The following ORM2 variants were observed in gnomAD, a reference collection of about 807,000 sequenced individuals.
ORM2 encodes alpha-1-acid glycoprotein 2.
Under a neutral mutation model 26.8 loss-of-function variants are expected in ORM2, and 19 were observed. The observed-to-expected ratio is 0.71, with a 90% CI of 0.49 to 1.04. The LOEUF is 1.04. Ranked by LOEUF, ORM2 falls within the 50% of genes least tolerant of loss-of-function variation. The pLI is 0.00. For synonymous variants in ORM2, 94 were observed against 100.0 expected (o/e 0.94, Z 0.36); for missense variants, 259 against 244.9 (o/e 1.06, Z -0.39).
rs1829838433 is a variant in ORM2, at chr9:114,330,799, C to G, written c.265C>G (p.Gln89Glu). 6.2e-7 allele frequency: 1 copy of G among 1,613,874 alleles called. No individual in the cohort carries two copies. The highest frequency in any genetic ancestry group is 1.7e-4 in the Middle Eastern group (1 of 6,060). Residue 89 changes from glutamine to glutamate, a missense_variant, in exon 3 of 6, where the codon CAG (glutamine) becomes GAG (glutamate). Transcript: ENST00000431067. Reference sequence around the variant, plus strand: ...CCTTCTGGTTGACTTTAGCCAGAACCAGTGCTTCTATAACTCCAGTTACCT... The same window carrying G: ...CCTTCTGGTTGACTTTAGCCAGAACGAGTGCTTCTATAACTCCAGTTACCT... Reference protein sequence around the residue: ...FLREYQTRQNQCFYNSSYLNV... With the variant: ...FLREYQTRQNECFYNSSYLNV...
intron 3 of ORM2, among the ~76,000 whole-genome samples, chr9:114,331,290 G>A (rs1446420443): frequency 3.9e-5 from 6 of 152,074 alleles, no homozygotes; most frequent in East Asian, 3.9e-4. Flanking sequence ...TTAGCATCCC[G>A]AGCCTCCTCT....
rs745871164 is a variant in ORM2, at chr9:114,331,598, G to T, written c.360G>T (p.Leu120=). The change falls in exon 4 of 6, where the codon CTG becomes CTT. Residue 120 remains leucine, a synonymous_variant. Coordinates refer to ENST00000431067, the MANE Select transcript of ORM2 (RefSeq NM_000608.4). ...EGGREHVAHL[L]FLRDTKTLMF... The stretch of plus-strand genomic sequence containing the variant: ...GCCGAGAACATGTTGCTCACCTGCT[G>T]TTCCTTAGGGACACCAAGACCTTGA... 6.2e-7 allele frequency: 1 copy of T among 1,614,006 alleles called. No homozygotes were observed. The highest frequency in any genetic ancestry group is 2.2e-5 in the East Asian group (1 of 44,874).
At chr9:114,331,750 C>G in intron 4 of ORM2, 76 bp downstream of exon 4, 1 of 1,581,140 alleles carries the variant, frequency 6.3e-7, no homozygotes, top group Non-Finnish European at 8.7e-7. Flanking sequence ...TGGGCTGGCC[C>G]CTAGAACCCC....
In ORM2 at chr9:114,331,810, C is replaced by A. The variant is rs1285089787; in HGVS notation, c.437-16C>A. 6 of 1,612,094 alleles carry A rather than the reference C, an allele frequency of 3.7e-6. No homozygotes were observed. The South Asian group carries it at 6.6e-5, about 18-fold the overall frequency. ...CCCCACCATGTCCCCAGTCAGTCTC[C>A]TTGCTCCCCCTGCAGCTGACAAGCC... On this transcript the variant is annotated splice_polypyrimidine_tract_variant and intron_variant, in intron 4 of 5. Transcript: ENST00000431067.
At position 114,330,773 on chromosome 9, in the gene ORM2, G is replaced by C. The variant is rs143227432; in HGVS notation, c.258-19G>C. On this transcript the variant is annotated intron_variant, in intron 2 of 5. Coordinates refer to ENST00000431067, the MANE Select transcript of ORM2 (RefSeq NM_000608.4). ...TCGATAACATTACTGTTTTTCTTCC[G>C]CCTTCTGGTTGACTTTAGCCAGAAC... The C allele has an allele frequency of 4.3e-6, 7 of 1,612,608 alleles. No homozygotes were observed. The highest frequency in any genetic ancestry group is 5.9e-6 in the Non-Finnish European group (7 of 1,179,038).
Position 114,331,319 on chromosome 9 carries a change from C to A in ORM2, c.329-248C>A, listed in dbSNP as rs114006158. Among the ~76,000 whole-genome samples, 597 of 152,204 alleles carry A rather than the reference C, an allele frequency of 3.9e-3. 14 individuals carry two copies. The highest frequency in any genetic ancestry group is 0.013 in the African/African-American group (543 of 41,466). On this transcript the variant is annotated intron_variant, in intron 3 of 5. Transcript: ENST00000431067. The stretch of plus-strand genomic sequence containing the variant: ...CTCCTCTCTGGGCCTCATTTTCCTC[C>A]TCTGTAAAACGGGGAGAAAGGCCCT...
chr9:114,330,974 T>C (rs1183276465), intron 3 of ORM2, 112 bp downstream of exon 3: 10 of 836,644 alleles, frequency 1.2e-5, no homozygotes, highest in Admixed American at 9.6e-5. Context: ...AAATAACCAC[T>C]AACATTTTTG....
chr9:114,330,806 T>C lies in ORM2; in HGVS notation c.272T>C (p.Phe91Ser), dbSNP rs761553274. 1 of 1,613,964 alleles carries C rather than the reference T, an allele frequency of 6.2e-7. No homozygotes were observed. Among genetic ancestry groups the C allele is most frequent in the East Asian group, 2.2e-5 (1 of 44,870 alleles). Residue 91 changes from phenylalanine to serine, a missense_variant, in exon 3 of 6, where the codon TTC becomes TCC. Around this residue, in one of 2 missense-constraint regions of ORM2, gnomAD observed 251 missense variants for 220.5 expected, o/e 1.14. Coordinates refer to ENST00000431067, the MANE Select transcript of ORM2 (RefSeq NM_000608.4). ...REYQTRQNQC[F>S]YNSSYLNVQR... ...GTTGACTTTAGCCAGAACCAGTGCT[T>C]CTATAACTCCAGTTACCTGAATGTC... is the stretch of plus-strand genomic sequence containing the variant.
rs771769704 is a variant in ORM2, at chr9:114,331,563, C to T, written c.329-4C>T. The T allele has an allele frequency of 3.1e-6, 5 of 1,611,712 alleles. No homozygotes were observed. In the South Asian group the frequency reaches 3.3e-5, roughly 11 times the overall value. On this transcript the variant is annotated splice_region_variant and splice_polypyrimidine_tract_variant and intron_variant, in intron 3 of 5. Transcript: ENST00000431067. ...CTCACCCAGAGGCTCTTTTTCTCTT[C>T]CAGAGGGAGGCCGAGAACATGTTGC... is the stretch of plus-strand genomic sequence containing the variant.
intron 5 of ORM2, among the ~76,000 whole-genome samples, chr9:114,332,242 G>A (rs1431121442): frequency 0.026 from 3,632 of 142,318 alleles, no homozygotes; most frequent in Admixed American, 0.035. Flanking sequence ...ACCTACAGAC[G>A]CGTCCCAAAC....
At chr9:114,331,749 C>G (rs1829857003) in intron 4 of ORM2, 75 bp downstream of exon 4, 1 of 1,577,842 alleles carries the variant, frequency 6.3e-7, no homozygotes, top group African/African-American at 1.4e-5. Flanking sequence ...CTGGGCTGGC[C>G]CCTAGAACCC....
intron 3 of ORM2, 38 bp from the exon 4 acceptor site, chr9:114,331,529 T>C: frequency 6.5e-7 from 1 of 1,532,648 alleles, no homozygotes; most frequent in Non-Finnish European, 9.0e-7. Context: ...CATTGTGCCA[T>C]CCCATGTTCT....
In ORM2 at chr9:114,330,513, C is replaced by A; in HGVS notation, c.194C>A (p.Thr65Asn). The A allele has an allele frequency of 1.2e-6, 2 of 1,612,024 alleles. No homozygotes were observed. Among genetic ancestry groups the A allele is most frequent in the South Asian group, 2.2e-5 (2 of 91,046 alleles). ...AAGTCGGTTCAGGAGATCCAAGCAA[C>A]CTTCTTTTACTTTACCCCCAACAAG... ...YNKSVQEIQA[T>N]FFYFTPNKTE... Residue 65 changes from threonine to asparagine, a missense_variant, in exon 2 of 6, where the codon ACC becomes AAC. Physicochemically the swap from Thr to Asn is moderately conservative, Grantham distance 65. Around this residue, in one of 2 missense-constraint regions of ORM2, gnomAD observed 251 missense variants for 220.5 expected, o/e 1.14. Coordinates refer to ENST00000431067, the MANE Select transcript of ORM2 (RefSeq NM_000608.4).
At chr9:114,330,051 A>G in intron 1 of ORM2, 33 bp downstream of exon 1, 1 of 1,607,344 alleles carries the variant, frequency 6.2e-7, no homozygotes, top group South Asian at 1.1e-5. Flanking sequence ...TCCTGAGCAC[A>G]TGGGCAGCTG....
At position 114,329,915 on chromosome 9, in the gene ORM2, C is replaced by T; in HGVS notation, c.11C>T (p.Ser4Phe). Residue 4 changes from serine (S) to phenylalanine (F), a missense_variant, in exon 1 of 6, where the codon TCC (serine) becomes TTC (phenylalanine). Ser to Phe is a radical substitution (Grantham distance 155). Coordinates refer to ENST00000431067, the MANE Select transcript of ORM2 (RefSeq NM_000608.4). ...CCTCCTGGTCTCAGTATGGCGCTGT[C>T]CTGGGTTCTTACAGTCCTGAGCCTC... MAL[S>F]WVLTVLSLLP... is the part of the protein sequence containing the mutation. The T allele has an allele frequency of 2.1e-6, 3 of 1,424,130 alleles. No homozygotes were observed. Among genetic ancestry groups the T allele is most frequent in the South Asian group, 2.6e-5 (2 of 75,662 alleles). The allele number at this position is 1,424,130 out of a possible 1,614,324, so 88.2% of individuals were successfully genotyped here. A position where few individuals can be genotyped will look rare whatever the true frequency, so the allele number is the denominator to read the frequency against.
At chr9:114,332,847 T>C (rs1829881749) in intron 5 of ORM2, among the ~76,000 whole-genome samples, 1 of 152,180 alleles carries the variant, frequency 6.6e-6, no homozygotes, top group Admixed American at 6.5e-5. Context: ...CAGTGGTTCT[T>C]AAGGGTCTGA....
chr9:114,331,730 C>T (rs1367906164), intron 4 of ORM2, 56 bp downstream of exon 4: 3 of 1,584,098 alleles, frequency 1.9e-6, no homozygotes, highest in African/African-American at 1.4e-5. Flanking sequence ...ACCCCCCATT[C>T]ACCCACCCCT....
At chr9:114,330,196 C>G (rs1829827907) in intron 1 of ORM2, 178 bp downstream of exon 1, 3 of 724,918 alleles carry the variant, frequency 4.1e-6, no homozygotes, top group African/African-American at 3.6e-5. Context: ...CCCCTGCCTC[C>G]AAACACAGAA....
At position 114,331,775 on chromosome 9, in the gene ORM2, T is replaced by C. The variant is rs1177440049; in HGVS notation, c.437-51T>C. ...CCTAGAACCCCAGCCCTCCCTGGCCTCCCGCCGGGCCCCACCATGTCCCCA... is the reference window on the plus strand; with the variant it reads ...CCTAGAACCCCAGCCCTCCCTGGCCCCCCGCCGGGCCCCACCATGTCCCCA... On this transcript the variant is annotated intron_variant, in intron 4 of 5. Coordinates refer to ENST00000431067, the MANE Select transcript of ORM2 (RefSeq NM_000608.4). 3 of 1,593,692 alleles carry C rather than the reference T, an allele frequency of 1.9e-6. No homozygotes were observed. In the South Asian group the frequency reaches 3.3e-5, roughly 18 times the overall value.
Sources: gnomAD v4.1 joint callset for allele counts (sites outside exome capture counted in the v4.1 genomes callset) on GRCh38, gnomAD v4.1.1 for gene constraint, gnomAD v4.1.1 regional missense constraint, MANE v1.5 for transcripts, NCBI Gene and HGNC (gene_info 2026-07-23, HGNC 2026-07-21) for gene names.